ATP13A5: variants seen among roughly 807,000 people sequenced by gnomAD.
ATP13A5 encodes the protein probable cation-transporting ATPase 13A5.
ATP13A5 carries 149 observed loss-of-function variants against 150.2 expected under a neutral mutation model. The observed-to-expected ratio is 0.99, with a 90% CI of 0.87 to 1.14. ATP13A5 has a LOEUF of 1.14. Ranked by LOEUF, ATP13A5 falls within the 50% of genes most tolerant of loss-of-function variation. ATP13A5 has a pLI of 0.00. For synonymous variants in ATP13A5, 497 were observed against 522.2 expected, an observed-to-expected ratio of 0.95 and a Z score of 0.66; for missense variants, 1,383 against 1,449.3, an observed-to-expected ratio of 0.95 and a Z score of 0.74.
rs1186191583 is a variant in ATP13A5 at position 193,305,636 on chromosome 3, T to C, written c.2601A>G (p.Leu867=). The part of the protein sequence containing the change: ...ALKAAHAGIS[L]SEQEASVASP... ...ATGCCACAGATGCTTCCTGCTCTGA[T>C]AATGAAATGCCTGCATGAGCCGCTT... Residue 867 remains leucine (L), a synonymous_variant, in exon 23 of 30, where the codon TTA becomes TTG. Coordinates refer to ENST00000342358, the MANE Select transcript of ATP13A5 (RefSeq NM_198505.4). 1.9e-6 allele frequency: 3 copies of C among 1,613,964 alleles called. No individual in the cohort carries two copies. Among genetic ancestry groups the C allele is most frequent in the Admixed American group, 3.3e-5 (2 of 60,000 alleles).
Position 193,312,031 on chromosome 3 carries a change from C to T in ATP13A5, c.2320-90G>A, listed in dbSNP as rs1272920780. 3 of 1,513,726 alleles carry T rather than the reference C, an allele frequency of 2.0e-6. No individual in the cohort carries two copies. In the Admixed American group the frequency reaches 5.7e-5, roughly 29 times the overall value. The allele number at this position is 1,513,726 out of a possible 1,614,324, so 93.8% of individuals were successfully genotyped here. ...TATTGAAGGAAGAGTTTTCATGTTG[C>T]CTAACAGTGTGAAGGTCAGCAACAA... On this transcript the variant is annotated intron_variant, in intron 19 of 29. Coordinates refer to ENST00000342358, the MANE Select transcript of ATP13A5 (RefSeq NM_198505.4).
Position 193,276,840 on chromosome 3 carries a change from AACAAATACCATT to A in ATP13A5, c.3316-22_3316-11del. The A allele has an allele frequency of 6.2e-7, 1 of 1,600,180 alleles. No individual in the cohort carries two copies. The highest frequency in any genetic ancestry group is 8.6e-7 in the Non-Finnish European group (1 of 1,168,762). ...TTATGGTTGGGATCAACTGTTGAAAAACAAATACCATTATTATATTTTGCACACTTCACACTT... is the reference window on the plus strand; with the variant it reads ...TTATGGTTGGGATCAACTGTTGAAAAATTATATTTTGCACACTTCACACTT... On this transcript the variant is annotated splice_polypyrimidine_tract_variant and intron_variant, in intron 28 of 29. Transcript: ENST00000342358.
intron 25 of ATP13A5, among the ~76,000 whole-genome samples, chr3:193,296,368 G>A (rs1236225539): frequency 6.6e-6 from 1 of 152,098 alleles, no homozygotes; most frequent in Non-Finnish European, 1.5e-5. Context: ...TGTGTAAGGT[G>A]TAAGGAAGGG....
intron 26 of ATP13A5, among the ~76,000 whole-genome samples, chr3:193,288,960 T>G (rs539145179): frequency 5.3e-5 from 8 of 152,116 alleles, no homozygotes; most frequent in Non-Finnish European, 1.0e-4. Flanking sequence ...AAAACTTGAG[T>G]TCTCTGAGTA....
At chr3:193,321,488 G>A (rs537337625) in intron 16 of ATP13A5, among the ~76,000 whole-genome samples, 193 bp downstream of exon 16, 26 of 152,190 alleles carry the variant, frequency 1.7e-4, no homozygotes, top group South Asian at 6.2e-4. Flanking sequence ...AAAATTAGCC[G>A]GGTGTGGTGG....
chr3:193,372,004 A>T (rs1409410272), intron 1 of ATP13A5, among the ~76,000 whole-genome samples: 1 of 152,018 alleles, frequency 6.6e-6, no homozygotes, highest in East Asian at 1.9e-4. Flanking sequence ...GCCACCACAG[A>T]TGATTAGGAA....
At position 193,331,272 on chromosome 3, in the gene ATP13A5, G is replaced by C; in HGVS notation, c.1312C>G (p.Leu438Val). ...KDTVTMALIL[L>V]TVTVPPVLPA... ...AGCACTGGAGGGACAGTCACGGTGA[G>C]GAGGATCAGGGCCATGGTCACAGTA... Residue 438 changes from leucine to valine, a missense_variant, in exon 12 of 30, where the codon CTC (leucine) becomes GTC (valine). By Grantham distance (32) the Leu-to-Val change is conservative. Transcript: ENST00000342358. 6 of 1,613,938 alleles carry C rather than the reference G, an allele frequency of 3.7e-6. No individual in the cohort carries two copies. Among genetic ancestry groups the C allele is most frequent in the Non-Finnish European group, 5.1e-6 (6 of 1,179,926 alleles).
In ATP13A5 at chr3:193,330,000, G is replaced by A. The variant is rs1431549896; in HGVS notation, c.1461+1123C>T. 2.0e-5 allele frequency among the ~76,000 whole-genome samples: 3 copies of A among 152,114 alleles called. No individual in the cohort carries two copies. The East Asian group carries it at 5.8e-4, about 29-fold the overall frequency. On this transcript the variant is annotated intron_variant, in intron 12 of 29. Transcript: ENST00000342358. ...GGACCCACTCCTTAGCGTGGCATAT[G>A]AGGCCCTTAACAATTGCCCTCAACC...
intron 10 of ATP13A5, among the ~76,000 whole-genome samples, chr3:193,334,491 C>T (rs1475978365): frequency 2.6e-5 from 4 of 152,258 alleles, no homozygotes; most frequent in Admixed American, 6.5e-5. Flanking sequence ...GTTTCAGATT[C>T]GTTGGCTTTA....
intron 1 of ATP13A5, among the ~76,000 whole-genome samples, chr3:193,373,922 G>C (rs1713541346): frequency 6.6e-6 from 1 of 152,224 alleles, no homozygotes; most frequent in Non-Finnish European, 1.5e-5. Flanking sequence ...TTCTGGGGCT[G>C]CTGTGATGTG....
intron 17 of ATP13A5, among the ~76,000 whole-genome samples, chr3:193,315,624 A>G (rs1286233258): frequency 3.3e-5 from 5 of 152,198 alleles, no homozygotes; most frequent in African/African-American, 1.2e-4. Context: ...TTATAGTCCA[A>G]CTGGGTTGCA....
chr3:193,310,808 C>T (rs906067685), intron 20 of ATP13A5, 91 bp from the exon 21 acceptor site: 7 of 887,758 alleles, frequency 7.9e-6, no homozygotes, highest in Non-Finnish European at 1.2e-5. Context: ...CTCCTGGTTA[C>T]TAATTTAATA....
chr3:193,328,688 C>T lies in ATP13A5; in HGVS notation c.1462-1631G>A, dbSNP rs557347795. Among the ~76,000 whole-genome samples the T allele has an allele frequency of 1.4e-3, 207 of 152,214 alleles. 1 individual carries two copies. Among genetic ancestry groups the T allele is most frequent in the Middle Eastern group, 3.4e-3 (1 of 294 alleles). On this transcript the variant is annotated intron_variant, in intron 12 of 29. Transcript: ENST00000342358. ...GAAAACCTCTTAGCATAAATTCAAG[C>T]CCAGGCTTGGGCTGAATTGAATAAA...
chr3:193,349,656 C>T (rs1227174453), intron 7 of ATP13A5, among the ~76,000 whole-genome samples: 2 of 152,048 alleles, frequency 1.3e-5, no homozygotes, highest in Non-Finnish European at 2.9e-5. Context: ...TGTCTAGTCT[C>T]ACCAGCAATC....
chr3:193,359,027 T>A (rs1712899222), intron 5 of ATP13A5, among the ~76,000 whole-genome samples: 1 of 152,130 alleles, frequency 6.6e-6, no homozygotes, highest in South Asian at 2.1e-4. Flanking sequence ...AAGAAAATGA[T>A]CTCAGTTCAT....
rs2108890803 is a variant in ATP13A5 at position 193,351,209 on chromosome 3, C to G, written c.607-8G>C. ...ATAGAATGGATTTAAAACCTGCAGG[C>G]ACAAAAATGGCATTTGGGTCACTTG... On this transcript the variant is annotated splice_polypyrimidine_tract_variant and splice_region_variant and intron_variant, in intron 6 of 29. Coordinates refer to ENST00000342358, the MANE Select transcript of ATP13A5 (RefSeq NM_198505.4). 4 of 1,613,270 alleles carry G rather than the reference C, an allele frequency of 2.5e-6. No individual in the cohort carries two copies. The East Asian group carries it at 8.9e-5, about 36-fold the overall frequency.
chr3:193,327,154 A>G, intron 12 of ATP13A5, 97 bp from the exon 13 acceptor site: 1 of 1,091,648 alleles, frequency 9.2e-7, no homozygotes, highest in Non-Finnish European at 1.3e-6. Context: ...ATTATAGTAG[A>G]TCCAGTAGTC....
intron 1 of ATP13A5, among the ~76,000 whole-genome samples, chr3:193,366,553 C>T (rs906971272): frequency 2.0e-5 from 3 of 151,952 alleles, no homozygotes; most frequent in Non-Finnish European, 4.4e-5. Context: ...AACAGGAGGA[C>T]ATAACAATCC....
rs139110131 is a variant in ATP13A5, at chr3:193,318,999, G to A, written c.2025C>T (p.His675=). ...ATTTCTGAATTGCTTACCTGGCTAA[G>A]TGCTCGACTTCTGAAAGATTCCCCA... ...LKMGNLSEVE[H]LAREKVESEL... The change falls in exon 17 of 30, where the codon CAC becomes CAT. Residue 675 remains histidine (H), a synonymous_variant. Coordinates refer to ENST00000342358, the MANE Select transcript of ATP13A5 (RefSeq NM_198505.4). The A allele has an allele frequency of 1.4e-5, 23 of 1,612,970 alleles. No individual in the cohort carries two copies. In the African/African-American group the frequency reaches 2.3e-4, roughly 16 times the overall value.
Sources: allele counts gnomAD v4.1 joint callset (sites outside exome capture counted in the v4.1 genomes callset), GRCh38; gene constraint gnomAD v4.1.1; transcripts MANE v1.5; gene names NCBI Gene and HGNC (gene_info 2026-07-23, HGNC 2026-07-21).